GRID2: variants seen among roughly 807,000 people sequenced by gnomAD.
GRID2 encodes the protein glutamate ionotropic receptor delta type subunit 2.
A neutral mutation model predicts 114.8 loss-of-function variants in GRID2; 33 were observed. That is an observed-to-expected ratio of 0.29 (90% confidence interval 0.22 to 0.38). GRID2 has a LOEUF of 0.38. GRID2 is among the 10% of genes least tolerant of loss of function. The probability of loss-of-function intolerance (pLI) is 1.00; values close to 1 mark genes in which losing one functional copy is unlikely to be tolerated. For synonymous variants in GRID2, 505 were observed against 449.9 expected (o/e 1.12, Z -1.55); for missense variants, 1,184 against 1,257.7 (o/e 0.94, Z 0.89).
At chr4:92,760,876 C>G (rs1737976796) in intron 2 of GRID2, among the ~76,000 whole-genome samples, 1 of 152,130 alleles carries the variant, frequency 6.6e-6, no homozygotes, top group South Asian at 2.1e-4. Context: ...TCTTGAGGCT[C>G]TAAATGATCA....
At chr4:93,480,177 C>G (rs892516501) in intron 11 of GRID2, among the ~76,000 whole-genome samples, 1 of 152,056 alleles carries the variant, frequency 6.6e-6, no homozygotes, top group Admixed American at 6.6e-5. Flanking sequence ...GTAGAACTGA[C>G]TGAGCAATAT....
intron 2 of GRID2, among the ~76,000 whole-genome samples, chr4:92,999,129 T>C (rs898820041): frequency 3.3e-5 from 5 of 151,902 alleles, no homozygotes; most frequent in African/African-American, 1.2e-4. Flanking sequence ...TATAAAACTT[T>C]TAATACATAG....
intron 2 of GRID2, among the ~76,000 whole-genome samples, chr4:92,741,736 T>C (rs1365703720): frequency 6.6e-6 from 1 of 152,172 alleles, no homozygotes; most frequent in African/African-American, 2.4e-5. Flanking sequence ...TTTGAAATCT[T>C]TTTTCCCCTC....
intron 2 of GRID2, among the ~76,000 whole-genome samples, chr4:92,727,576 T>C (rs575128336): frequency 1.3e-5 from 2 of 152,232 alleles, no homozygotes; most frequent in South Asian, 2.1e-4. Context: ...ATAATGTATA[T>C]ACCATATATT....
Position 93,214,714 on chromosome 4 carries a change from A to G in GRID2, c.790-2024A>G, listed in dbSNP as rs1322044510. The stretch of plus-strand genomic sequence containing the variant: ...GAGAACTTCATCTTTGGAAACCTAT[A>G]AAAGGTAACCACCCCTTTTCCCTTT... On this transcript the variant is annotated intron_variant, in intron 5 of 15. Transcript: ENST00000282020. 2.6e-5 allele frequency among the ~76,000 whole-genome samples: 4 copies of G among 152,038 alleles called. No homozygotes were observed. The East Asian group carries it at 7.7e-4, about 29-fold the overall frequency.
chr4:93,636,994 T>C (rs1012409617), intron 14 of GRID2, among the ~76,000 whole-genome samples: 2 of 152,108 alleles, frequency 1.3e-5, no homozygotes, highest in Non-Finnish European at 2.9e-5. Flanking sequence ...AAAATATATG[T>C]TTTCACAAAC....
intron 2 of GRID2, among the ~76,000 whole-genome samples, chr4:92,944,058 C>G (rs936092108): frequency 6.6e-6 from 1 of 152,152 alleles, no homozygotes; most frequent in Non-Finnish European, 1.5e-5. Context: ...GGCAATCTGT[C>G]CATTCTCAGA....
At chr4:92,843,258 A>T (rs1032589706) in intron 2 of GRID2, among the ~76,000 whole-genome samples, 1 of 151,958 alleles carries the variant, frequency 6.6e-6, no homozygotes, top group Admixed American at 6.6e-5. Flanking sequence ...AAAATAAAAT[A>T]ATAAAATAAA....
intron 8 of GRID2, among the ~76,000 whole-genome samples, chr4:93,329,171 A>G (rs1371077871): frequency 2.0e-5 from 3 of 152,182 alleles, no homozygotes; most frequent in Non-Finnish European, 4.4e-5. Flanking sequence ...AGAAGGAAGA[A>G]CTAGTCAGGA....
At chr4:92,760,247 A>G (rs1737932112) in intron 2 of GRID2, among the ~76,000 whole-genome samples, 1 of 151,104 alleles carries the variant, frequency 6.6e-6, no homozygotes, top group African/African-American at 2.4e-5. Context: ...CAAAAAAAAA[A>G]AAAAAAAAAA....
chr4:92,770,884 C>T (rs553786519), intron 2 of GRID2, among the ~76,000 whole-genome samples: 84 of 152,220 alleles, frequency 5.5e-4, no homozygotes, highest in Non-Finnish European at 1.0e-3. Context: ...TTTCTCAATG[C>T]GTTGCACATA....
chr4:93,249,394 G>A (rs1579423180), intron 8 of GRID2, among the ~76,000 whole-genome samples: 2 of 151,972 alleles, frequency 1.3e-5, no homozygotes, highest in South Asian at 4.2e-4. Context: ...AGTAGTTTTT[G>A]TTCTAATTCT....
chr4:93,806,296 G>T (rs1042982834), intron 1 of GRID2, among the ~76,000 whole-genome samples: 7 of 152,136 alleles, frequency 4.6e-5, no homozygotes, highest in African/African-American at 1.4e-4. Flanking sequence ...AAGCAAACAG[G>T]CTCCAGGATT....
intron 2 of GRID2, among the ~76,000 whole-genome samples, chr4:93,005,617 C>G (rs1487797541): frequency 6.6e-6 from 1 of 151,982 alleles, no homozygotes; most frequent in Non-Finnish European, 1.5e-5. Flanking sequence ...CATAGTAGCA[C>G]TATTCAAAAT....
intron 1 of GRID2, among the ~76,000 whole-genome samples, chr4:92,578,714 C>CT (rs1728023613): frequency 8.5e-6 from 1 of 117,980 alleles, no homozygotes; most frequent in Non-Finnish European, 1.8e-5. Flanking sequence ...ACAAAAATAT[C>CT]ATTATCTATC....
Position 92,690,817 on chromosome 4 carries a change from A to T in GRID2, c.244+100531A>T, listed in dbSNP as rs1020710057. Among the ~76,000 whole-genome samples, 5 of 148,344 alleles carry T rather than the reference A, an allele frequency of 3.4e-5. No individual in the cohort carries two copies. In the East Asian group the frequency reaches 9.9e-4, roughly 29 times the overall value. On this transcript the variant is annotated intron_variant, in intron 2 of 15. Coordinates refer to ENST00000282020, the MANE Select transcript of GRID2 (RefSeq NM_001510.4). ...TGTTCTTAACTGGCTTTATTCAATT[A>T]AAAAAAAAACCAACCAAAAACCTTA...
chr4:93,441,875 C>T (rs1721654822), intron 10 of GRID2, among the ~76,000 whole-genome samples: 1 of 151,870 alleles, frequency 6.6e-6, no homozygotes, highest in Admixed American at 6.6e-5. Flanking sequence ...AAAAAAAATC[C>T]GGAGACCTAA....
chr4:92,458,428 G>C (rs1050766507), intron 1 of GRID2, among the ~76,000 whole-genome samples: 2 of 152,076 alleles, frequency 1.3e-5, no homozygotes, highest in Non-Finnish European at 2.9e-5. Flanking sequence ...AGTCTTTAAT[G>C]GTAAATTTTA....
At chr4:93,491,010 C>T (rs1726947370) in intron 12 of GRID2, among the ~76,000 whole-genome samples, 1 of 151,820 alleles carries the variant, frequency 6.6e-6, no homozygotes, top group African/African-American at 2.4e-5. Flanking sequence ...AATGTTGCTT[C>T]CCACATTTTC....
Sources: gnomAD v4.1 joint callset for allele counts (sites outside exome capture counted in the v4.1 genomes callset) on GRCh38, gnomAD v4.1.1 for gene constraint, MANE v1.5 for transcripts, NCBI Gene and HGNC (gene_info 2026-07-23, HGNC 2026-07-21) for gene names.